DDR1: variants seen among roughly 807,000 people sequenced by gnomAD.
DDR1 encodes the protein epithelial discoidin domain-containing receptor 1.
In DDR1, 64 loss-of-function variants were observed where a neutral mutation model predicts 97.4. The ratio of observed to expected loss-of-function variants is 0.66; its 90% CI spans 0.54 to 0.81. The LOEUF is 0.81. Ranked by LOEUF, DDR1 falls within the 30% of genes least tolerant of loss-of-function variation. The pLI, the probability that DDR1 is intolerant of heterozygous loss-of-function variation, is 0.00. For missense variants in DDR1, 990 were observed against 1,259.6 expected, an observed-to-expected ratio of 0.79 and a Z score of 3.24; for synonymous variants, 458 against 503.7, an observed-to-expected ratio of 0.91 and a Z score of 1.21.
Position 30,892,202 on chromosome 6 carries a change from G to C in DDR1, c.852+14G>C. The C allele has an allele frequency of 6.2e-7, 1 of 1,613,814 alleles. No homozygotes were observed. The highest frequency in any genetic ancestry group is 8.5e-7 in the Non-Finnish European group (1 of 1,179,712). On this transcript the variant is annotated intron_variant, in intron 7 of 17. Coordinates refer to ENST00000376568, the MANE Select transcript of DDR1 (RefSeq NM_001297654.2). ...CAGGCTATGCAGGTGAGTGAGTCCG[G>C]CTCTCGAGGAGGGCTCTGAAGCCAT...
At chr6:30,898,808 T>C in intron 16 of DDR1, 80 bp from the exon 17 acceptor site, 4 of 1,484,280 alleles carry the variant, frequency 2.7e-6, no homozygotes, top group Non-Finnish European at 3.7e-6. Flanking sequence ...AGAGTGGATC[T>C]GGGGCTTCCA....
In DDR1 at chr6:30,893,402, C is replaced by G. The variant is rs1413596641; in HGVS notation, c.1326C>G (p.His442Gln). 1.9e-6 allele frequency: 3 copies of G among 1,605,194 alleles called. No homozygotes were observed. Among genetic ancestry groups the G allele is most frequent in the South Asian group, 1.1e-5 (1 of 90,936 alleles). Residue 442 changes from histidine to glutamine, a missense_variant, in exon 10 of 18, where the codon CAC becomes CAG. Physicochemically the swap from His to Gln is conservative, Grantham distance 24. Transcript: ENST00000376568. Reference sequence around the variant, plus strand: ...TTGCCCTCATGCTCTGGCGGCTGCACTGGCGCAGGCTCCTCAGCAAGGTGG... The same window carrying G: ...TTGCCCTCATGCTCTGGCGGCTGCAGTGGCGCAGGCTCCTCAGCAAGGTGG... ...LIIALMLWRL[H>Q]WRRLLSKAER... is the part of the protein sequence containing the mutation.
intron 12 of DDR1, among the ~76,000 whole-genome samples, chr6:30,895,726 T>A (rs545738174): frequency 1.6e-4 from 25 of 152,192 alleles, no homozygotes; most frequent in Non-Finnish European, 3.1e-4. Flanking sequence ...GTAGAAAGCT[T>A]ACTGGTCCCC....
At position 30,897,922 on chromosome 6, in the gene DDR1, T is replaced by C. The variant is rs1791531645; in HGVS notation, c.2217-151T>C. 3.1e-6 allele frequency: 2 copies of C among 640,032 alleles called. No homozygotes were observed. The highest frequency in any genetic ancestry group is 5.5e-6 in the Non-Finnish European group (2 of 365,302). 39.6% of individuals were successfully genotyped at this position (640,032 alleles called of 1,614,324 possible). On this transcript the variant is annotated intron_variant, in intron 15 of 17. Coordinates refer to ENST00000376568, the MANE Select transcript of DDR1 (RefSeq NM_001297654.2). The surrounding 1 kb of genome is among the most constrained non-coding windows in gnomAD (Gnocchi z 5.2). The stretch of plus-strand genomic sequence containing the variant: ...CTAGTGTTGGCCAGGCCTGGGAGAT[T>C]GAGAGGGAAGTGACCCTTGGCCTCA...
In DDR1 at chr6:30,889,263, G is replaced by A. The variant is rs752090782; in HGVS notation, c.250G>A (p.Glu84Lys). ...CGCAGGGTCGGTGTTTCCCAAGGAGGAGGAGTACTTGCAGGTGGATCTACA... is the reference window on the plus strand; with the variant it reads ...CGCAGGGTCGGTGTTTCCCAAGGAGAAGGAGTACTTGCAGGTGGATCTACA... ...CPAGSVFPKE[E>K]EYLQVDLQRL... The change falls in exon 4 of 18, where the codon GAG (glutamate) becomes AAG (lysine). Residue 84 changes from glutamate (E) to lysine (K), a missense_variant. Transcript: ENST00000376568. This position sits in a 1 kb window ranked among gnomAD's most constrained non-coding sequence, Gnocchi z 4.9. 2 of 1,613,068 alleles carry A rather than the reference G, an allele frequency of 1.2e-6. No individual in the cohort carries two copies. The highest frequency in any genetic ancestry group is 1.7e-6 in the Non-Finnish European group (2 of 1,180,022).
rs149452446 is a variant in DDR1 at position 30,888,768 on chromosome 6, C to G, written c.39C>G (p.Leu13=). The change falls in exon 2 of 18, where the codon CTC becomes CTG. Residue 13 remains leucine, a synonymous_variant. Transcript: ENST00000376568. This position sits in a 1 kb window ranked among gnomAD's most constrained non-coding sequence, Gnocchi z 4.2. ...PEALSSLLLL[L]LVASGDADMK... Reference sequence around the variant, plus strand: ...CCCTGTCATCTTTACTGCTGCTGCTCTTGGTGGCAAGTGGAGATGCTGACA... The same window carrying G: ...CCCTGTCATCTTTACTGCTGCTGCTGTTGGTGGCAAGTGGAGATGCTGACA... 2.8e-4 allele frequency: 453 copies of G among 1,612,876 alleles called. 1 individual carries two copies. Among genetic ancestry groups the G allele is most frequent in the Non-Finnish European group, 3.5e-4 (414 of 1,180,016 alleles).
At position 30,891,273 on chromosome 6, in the gene DDR1, G is replaced by C. The variant is rs1468502538; in HGVS notation, c.566-107G>C. 1.4e-6 allele frequency: 2 copies of C among 1,404,770 alleles called. No homozygotes were observed. The highest frequency in any genetic ancestry group is 9.8e-7 in the Non-Finnish European group (1 of 1,015,978). 87.0% of individuals were successfully genotyped at this position (1,404,770 alleles called of 1,614,324 possible). A position where few individuals can be genotyped will look rare whatever the true frequency, so the allele number is the denominator to read the frequency against. The stretch of plus-strand genomic sequence containing the variant: ...AGCATTGTCTCCTCCATGCCAATGA[G>C]CCAGTGGAGAGATACAAGAAGGGAC... On this transcript the variant is annotated intron_variant, in intron 5 of 17. Coordinates refer to ENST00000376568, the MANE Select transcript of DDR1 (RefSeq NM_001297654.2). The surrounding 1 kb of genome is among the most constrained non-coding windows in gnomAD (Gnocchi z 5.3).
At position 30,897,240 on chromosome 6, in the gene DDR1, C is replaced by T. The variant is rs3131924; in HGVS notation, c.1997+99C>T. 1.8e-5 allele frequency: 28 copies of T among 1,520,616 alleles called. No individual in the cohort carries two copies. Among genetic ancestry groups the T allele is most frequent in the Non-Finnish European group, 2.5e-5 (28 of 1,133,534 alleles). The allele number at this position is 1,520,616 out of a possible 1,614,324, so 94.2% of individuals were successfully genotyped here. A position where few individuals can be genotyped will look rare whatever the true frequency, so the allele number is the denominator to read the frequency against. On this transcript the variant is annotated intron_variant, in intron 14 of 17. Transcript: ENST00000376568. The surrounding 1 kb of genome is among the most constrained non-coding windows in gnomAD (Gnocchi z 5.2). ...ATGGCAGAGCCCAACAGAGGGGTGG[C>T]ATCTCTGGGAGGGGATTTACATGTA...
In DDR1 at chr6:30,891,309, C is replaced by A; in HGVS notation, c.566-71C>A. 6.8e-7 allele frequency: 1 copy of A among 1,460,976 alleles called. No individual in the cohort carries two copies. The highest frequency in any genetic ancestry group is 9.5e-7 in the Non-Finnish European group (1 of 1,053,976). 90.5% of individuals were successfully genotyped at this position (1,460,976 alleles called of 1,614,324 possible). On this transcript the variant is annotated intron_variant, in intron 5 of 17. Transcript: ENST00000376568. This position sits in a 1 kb window ranked among gnomAD's most constrained non-coding sequence, Gnocchi z 5.3. Reference sequence around the variant, plus strand: ...GATACAAGAAGGGACCTGAAACCTGCCCAGGCCTGATGCAGGGATGGGGGA... The same window carrying A: ...GATACAAGAAGGGACCTGAAACCTGACCAGGCCTGATGCAGGGATGGGGGA...
rs573802265 is a variant in DDR1 at position 30,890,209 on chromosome 6, A to G, written c.418-764A>G. On this transcript the variant is annotated intron_variant, in intron 4 of 17. Coordinates refer to ENST00000376568, the MANE Select transcript of DDR1 (RefSeq NM_001297654.2). The surrounding 1 kb of genome is among the most constrained non-coding windows in gnomAD (Gnocchi z 5.0). ...TTCCACTCTGCCAGAACAAAAGCTG[A>G]GTCCCTAGCTGGTGCAGGATGCTCA... is the stretch of plus-strand genomic sequence containing the variant. Among the ~76,000 whole-genome samples the G allele has an allele frequency of 6.6e-6, 1 of 152,290 alleles. No individual in the cohort carries two copies. The highest frequency in any genetic ancestry group is 1.9e-4 in the East Asian group (1 of 5,182).
Position 30,890,804 on chromosome 6 carries a change from T to C in DDR1, c.418-169T>C. 1.6e-6 allele frequency: 1 copy of C among 606,728 alleles called. No individual in the cohort carries two copies. The highest frequency in any genetic ancestry group is 2.7e-6 in the Non-Finnish European group (1 of 373,078). The allele number at this position is 606,728 out of a possible 1,614,324, so 37.6% of individuals were successfully genotyped here. A position where few individuals can be genotyped will look rare whatever the true frequency, so the allele number is the denominator to read the frequency against. On this transcript the variant is annotated intron_variant, in intron 4 of 17. Coordinates refer to ENST00000376568, the MANE Select transcript of DDR1 (RefSeq NM_001297654.2). The surrounding 1 kb of genome is among the most constrained non-coding windows in gnomAD (Gnocchi z 5.0). ...CAGAGCCAGAGGTCTCAGCTGCAGA[T>C]CTTCATTTCACCCATGCCTGGCTGC...
chr6:30,892,935 C>A, intron 8 of DDR1, 133 bp from the exon 9 acceptor site: 1 of 781,094 alleles, frequency 1.3e-6, no homozygotes. Flanking sequence ...CTCCCCCAGC[C>A]CCCACTGGTC....
Position 30,884,898 on chromosome 6 carries a change from C to CGG in DDR1, c.-43+191_-43+192dup. On this transcript the variant is annotated intron_variant, in intron 1 of 17. Coordinates refer to ENST00000376568, the MANE Select transcript of DDR1 (RefSeq NM_001297654.2). The surrounding 1 kb of genome is among the most constrained non-coding windows in gnomAD (Gnocchi z 6.1). Reference sequence around the variant, plus strand: ...TGGCATACCGTCTGAAAACCGGGGGCGGGGACTGGGTGGAGGTGAAGCCCG... The same window carrying CGG: ...TGGCATACCGTCTGAAAACCGGGGGCGGGGGGACTGGGTGGAGGTGAAGCCCG... The CGG allele has an allele frequency of 2.7e-6, 1 of 373,838 alleles. No individual in the cohort carries two copies. Among genetic ancestry groups the CGG allele is most frequent in the East Asian group, 3.9e-5 (1 of 25,402 alleles). The allele number at this position is 373,838 out of a possible 1,614,324, so 23.2% of individuals were successfully genotyped here. A position where few individuals can be genotyped will look rare whatever the true frequency, so the allele number is the denominator to read the frequency against.
rs1787986044 is a variant in DDR1, at chr6:30,891,118, G to C, written c.563G>C (p.Arg188Thr). The C allele has an allele frequency of 1.4e-5, 22 of 1,612,786 alleles. No homozygotes were observed. In the East Asian group the frequency reaches 4.7e-4, roughly 34 times the overall value. ...LRVELYGCLW[R>T]DGLLSYTAPV... ...GTAGAGCTCTATGGCTGCCTCTGGA[G>C]GGGTGAGTGGCTCAGCTTCCTGGGA... The change falls in exon 5 of 18, where the codon AGG (arginine) becomes ACG (threonine). Residue 188 changes from arginine to threonine, a missense_variant and splice_region_variant. Physicochemically the swap from Arg to Thr is moderately conservative, Grantham distance 71. Coordinates refer to ENST00000376568, the MANE Select transcript of DDR1 (RefSeq NM_001297654.2). The surrounding 1 kb of genome is among the most constrained non-coding windows in gnomAD (Gnocchi z 5.3).
rs141601779 is a variant in DDR1, at chr6:30,899,866, C to G, written c.*570C>G. 2,148 of 440,436 alleles carry G rather than the reference C, an allele frequency of 4.9e-3. 23 individuals carry two copies. Among genetic ancestry groups the G allele is most frequent in the African/African-American group, 0.021 (1,066 of 50,332 alleles). The allele number at this position is 440,436 out of a possible 1,614,324, so 27.3% of individuals were successfully genotyped here. Reference sequence around the variant, plus strand: ...GACCTGGGGGTAGCCCCGCCCCAGCCCTCAGTCACCCCCACTTCCCACTTG... The same window carrying G: ...GACCTGGGGGTAGCCCCGCCCCAGCGCTCAGTCACCCCCACTTCCCACTTG... On this transcript the variant is annotated 3_prime_UTR_variant, in exon 18 of 18. Coordinates refer to ENST00000376568, the MANE Select transcript of DDR1 (RefSeq NM_001297654.2).
Position 30,888,984 on chromosome 6 carries a change from A to C in DDR1, c.162A>C (p.Ser54=). ...DSDISASSSW[S]DSTAARHSRL... is the part of the protein sequence containing the mutation. ...ACATCTCTGCTTCCAGCTCCTGGTCAGATTCCACTGCCGCCCGCCACAGCA... is the reference window on the plus strand; with the variant it reads ...ACATCTCTGCTTCCAGCTCCTGGTCCGATTCCACTGCCGCCCGCCACAGCA... Residue 54 remains serine (S), a synonymous_variant, in exon 3 of 18, where the codon TCA becomes TCC. Transcript: ENST00000376568. The surrounding 1 kb of genome is among the most constrained non-coding windows in gnomAD (Gnocchi z 4.2). The C allele has an allele frequency of 1.2e-6, 2 of 1,612,994 alleles. No individual in the cohort carries two copies. The highest frequency in any genetic ancestry group is 1.7e-6 in the Non-Finnish European group (2 of 1,180,004).
intron 12 of DDR1, among the ~76,000 whole-genome samples, chr6:30,895,734 C>T (rs1293911776): frequency 1.3e-5 from 2 of 152,186 alleles, no homozygotes; most frequent in African/African-American, 4.8e-5. Context: ...CTTACTGGTC[C>T]CCAGCTCTTC....
At chr6:30,892,249 C>A in intron 7 of DDR1, 47 bp from the exon 8 acceptor site, 1 of 1,602,714 alleles carries the variant, frequency 6.2e-7, no homozygotes, top group Non-Finnish European at 8.5e-7. Flanking sequence ...TTGGGGTGCC[C>A]CCACCACTCC....
chr6:30,885,064 C>T, intron 1 of DDR1: 1 of 760,928 alleles, frequency 1.3e-6, no homozygotes, highest in Non-Finnish European at 2.1e-6. Context: ...CTCCACCTGG[C>T]CAGTCCCTGC....
Sources: gnomAD v4.1 joint callset for allele counts (sites outside exome capture counted in the v4.1 genomes callset) on GRCh38, gnomAD v4.1.1 for gene constraint, Gnocchi (gnomAD v3.1) non-coding constraint, MANE v1.5 for transcripts, NCBI Gene and HGNC (gene_info 2026-07-23, HGNC 2026-07-21) for gene names.